The following LRRC4C variants were observed in gnomAD, a reference collection of about 807,000 sequenced individuals.
The protein encoded by LRRC4C is leucine rich repeat containing 4C.
LRRC4C carries 5 observed loss-of-function variants against 33.6 expected under a neutral mutation model. The ratio of observed to expected loss-of-function variants is 0.15; its 90% CI spans 0.08 to 0.31. The LOEUF is 0.31. Among genes scored for constraint, LRRC4C ranks in the 10% least tolerant of loss-of-function variants. The pLI, the probability that LRRC4C is intolerant of heterozygous loss-of-function variation, is 1.00. For missense variants in LRRC4C, 560 were observed against 796.7 expected, an observed-to-expected ratio of 0.70 and a Z score of 3.58; for synonymous variants, 329 against 302.0, an observed-to-expected ratio of 1.09 and a Z score of -0.93.
intron 3 of LRRC4C, among the ~76,000 whole-genome samples, chr11:40,625,047 C>A (rs11035968): frequency 0.17 from 25,460 of 151,962 alleles, 2,577 homozygotes; most frequent in East Asian, 0.47. Flanking sequence ...ATATAATATT[C>A]AGAATAATAC....
chr11:40,227,321 A>G (rs570705685), intron 5 of LRRC4C, among the ~76,000 whole-genome samples: 8 of 152,376 alleles, frequency 5.3e-5, no homozygotes, highest in African/African-American at 1.9e-4. Context: ...CTCAATCTGC[A>G]TAAGTAGGTG....
intron 1 of LRRC4C, among the ~76,000 whole-genome samples, chr11:41,112,076 A>G (rs1941864752): frequency 6.6e-6 from 1 of 152,052 alleles, no homozygotes; most frequent in Non-Finnish European, 1.5e-5. Flanking sequence ...ATGTAGCAGA[A>G]GTTCATCAGA....
At chr11:41,048,953 T>C (rs1411233175) in intron 1 of LRRC4C, among the ~76,000 whole-genome samples, 1 of 152,192 alleles carries the variant, frequency 6.6e-6, no homozygotes, top group Non-Finnish European at 1.5e-5. Context: ...GAATGAAGCA[T>C]TGTATGCAGT....
At chr11:40,463,601 G>C (rs1952513576) in intron 3 of LRRC4C, among the ~76,000 whole-genome samples, 2 of 151,938 alleles carry the variant, frequency 1.3e-5, no homozygotes, top group Non-Finnish European at 2.9e-5. Context: ...AAGAAGTTTG[G>C]AGAATTTTGG....
chr11:41,346,721 T>G (rs1468023296), intron 1 of LRRC4C, among the ~76,000 whole-genome samples: 1 of 152,192 alleles, frequency 6.6e-6, no homozygotes, highest in Non-Finnish European at 1.5e-5. Flanking sequence ...TCCAAAAAGT[T>G]CCGCATTATT....
intron 3 of LRRC4C, among the ~76,000 whole-genome samples, chr11:40,479,882 T>C (rs977424846): frequency 5.3e-5 from 8 of 152,180 alleles, no homozygotes; most frequent in Admixed American, 1.3e-4. Context: ...AATTGTAACA[T>C]TGGGAAACCT....
At chr11:40,335,709 G>T (rs370536971) in intron 3 of LRRC4C, among the ~76,000 whole-genome samples, 1 of 152,272 alleles carries the variant, frequency 6.6e-6, no homozygotes, top group East Asian at 1.9e-4. Context: ...TTTTATAAGG[G>T]TGCCTATCTC....
intron 2 of LRRC4C, among the ~76,000 whole-genome samples, chr11:40,761,289 T>TATG (rs1258987524): frequency 6.6e-6 from 1 of 152,134 alleles, no homozygotes; most frequent in Non-Finnish European, 1.5e-5. Flanking sequence ...CAGTGTTAAC[T>TATG]ATAACAGCAT....
chr11:40,908,917 C>T (rs75457628), intron 2 of LRRC4C, among the ~76,000 whole-genome samples: 6,678 of 152,120 alleles, frequency 0.044, 316 homozygotes, highest in East Asian at 0.23. Context: ...CTGGGTATTA[C>T]GGGTGCATTA....
chr11:40,199,486 T>C (rs564749777), intron 5 of LRRC4C, among the ~76,000 whole-genome samples: 13 of 152,326 alleles, frequency 8.5e-5, no homozygotes, highest in African/African-American at 3.1e-4. Flanking sequence ...CTGATTGCAA[T>C]GAGCCACTAG....
Position 41,410,692 on chromosome 11 carries a change from G to A in LRRC4C, c.-496+48739C>T, listed in dbSNP as rs531993931. Among the ~76,000 whole-genome samples the A allele has an allele frequency of 4.0e-3, 605 of 151,990 alleles. 8 individuals carry two copies. The highest frequency in any genetic ancestry group is 0.014 in the African/African-American group (570 of 41,466). On this transcript the variant is annotated intron_variant, in intron 1 of 6. Transcript: ENST00000528697. ...CCTGACCTCGTGATCCACCCGCTTC[G>A]GCCTCCCAAAATGATGGGATTATAG...
chr11:40,185,031 CCATCAG>C (rs1278084837), intron 5 of LRRC4C, among the ~76,000 whole-genome samples: 1 of 152,122 alleles, frequency 6.6e-6, no homozygotes, highest in Non-Finnish European at 1.5e-5. Context: ...ACAAGGGAAA[CCATCAG>C]TAAGAATCTG....
At chr11:40,966,398 G>A (rs1366275689) in intron 1 of LRRC4C, among the ~76,000 whole-genome samples, 3 of 151,898 alleles carry the variant, frequency 2.0e-5, no homozygotes, top group South Asian at 4.1e-4. Flanking sequence ...AAAAGATGGA[G>A]TTTTTACATA....
At chr11:41,049,704 T>C (rs1403293992) in intron 1 of LRRC4C, among the ~76,000 whole-genome samples, 1 of 152,236 alleles carries the variant, frequency 6.6e-6, no homozygotes, top group Non-Finnish European at 1.5e-5. Context: ...TGTTATTTAC[T>C]AATATAGGGA....
chr11:41,043,055 A>C (rs1857538518), intron 1 of LRRC4C, among the ~76,000 whole-genome samples: 1 of 128,794 alleles, frequency 7.8e-6, no homozygotes, highest in Non-Finnish European at 1.6e-5. Context: ...CAAAATGATT[A>C]TACAGAATAG....
At chr11:40,281,937 C>T (rs1943504141) in intron 4 of LRRC4C, among the ~76,000 whole-genome samples, 1 of 152,142 alleles carries the variant, frequency 6.6e-6, no homozygotes, top group Non-Finnish European at 1.5e-5. Context: ...GCTAAATTCT[C>T]CTACATTCCC....
At chr11:40,897,831 T>C (rs567779654) in intron 2 of LRRC4C, among the ~76,000 whole-genome samples, 1 of 152,272 alleles carries the variant, frequency 6.6e-6, no homozygotes, top group Admixed American at 6.5e-5. Flanking sequence ...ACATACTGAT[T>C]GAAGACCACA....
chr11:40,891,531 A>T (rs1489208396), intron 2 of LRRC4C, among the ~76,000 whole-genome samples: 1 of 152,218 alleles, frequency 6.6e-6, no homozygotes, highest in Non-Finnish European at 1.5e-5. Context: ...ACAAGAATCT[A>T]TAATGAGCCC....
chr11:40,209,747 TCAA>T lies in LRRC4C; in HGVS notation c.-96+31769_-96+31771del, dbSNP rs1863441552. On this transcript the variant is annotated intron_variant, in intron 5 of 6. Transcript: ENST00000528697. The stretch of plus-strand genomic sequence containing the variant: ...AGGCACTTTGCTGGATATGAGAGAT[TCAA>T]CAACAAAAACGCTTTGCATTCTGTT... Among the ~76,000 whole-genome samples the T allele has an allele frequency of 2.0e-5, 3 of 152,288 alleles. No individual in the cohort carries two copies. The South Asian group carries it at 6.2e-4, about 32-fold the overall frequency.
Sources: allele counts gnomAD v4.1 joint callset (sites outside exome capture counted in the v4.1 genomes callset), GRCh38; gene constraint gnomAD v4.1.1; transcripts MANE v1.5; gene names NCBI Gene and HGNC (gene_info 2026-07-23, HGNC 2026-07-21).